Variants in BABAM2 observed in about 807,000 individuals in gnomAD.
The protein encoded by BABAM2 is BRISC and BRCA1-A complex member 2.
A neutral mutation model predicts 54.7 loss-of-function variants in BABAM2; 31 were observed. The observed-to-expected ratio is 0.57, with a 90% CI of 0.43 to 0.77. The LOEUF is 0.77. BABAM2 is among the 30% of genes least tolerant of loss of function. The pLI, the probability that BABAM2 is intolerant of heterozygous loss-of-function variation, is 0.00. For missense variants in BABAM2, 364 were observed against 455.8 expected (o/e 0.80, Z 1.83); for synonymous variants, 167 against 162.9 (o/e 1.03, Z -0.19).
intron 11 of BABAM2, among the ~76,000 whole-genome samples, chr2:28,326,148 A>T (rs547373438): frequency 1.3e-5 from 2 of 152,118 alleles, no homozygotes; most frequent in South Asian, 4.2e-4. Flanking sequence ...TCCCCTTTCG[A>T]TGACTAAAAA....
intron 6 of BABAM2, among the ~76,000 whole-genome samples, chr2:28,128,507 A>C (rs148792375): frequency 2.6e-5 from 4 of 152,366 alleles, no homozygotes; most frequent in African/African-American, 9.6e-5. Context: ...ACACTTCATC[A>C]GTGTATCATC....
chr2:28,066,259 C>T (rs536190513), intron 6 of BABAM2, among the ~76,000 whole-genome samples: 18 of 151,936 alleles, frequency 1.2e-4, no homozygotes, highest in African/African-American at 3.9e-4. Flanking sequence ...GTATTCTATG[C>T]TGACGTATAT....
At chr2:28,122,608 A>T (rs1008168085) in intron 6 of BABAM2, among the ~76,000 whole-genome samples, 3 of 152,126 alleles carry the variant, frequency 2.0e-5, no homozygotes, top group African/African-American at 7.2e-5. Flanking sequence ...TTGTTCAGCT[A>T]ATGTCTTTCA....
At chr2:27,938,670 G>A (rs1045438680) in intron 3 of BABAM2, among the ~76,000 whole-genome samples, 2 of 151,912 alleles carry the variant, frequency 1.3e-5, no homozygotes, top group Non-Finnish European at 2.9e-5. Context: ...GATTACAGAC[G>A]TGAGCCACTG....
At chr2:28,273,855 C>T (rs1299894149) in intron 10 of BABAM2, among the ~76,000 whole-genome samples, 4 of 152,194 alleles carry the variant, frequency 2.6e-5, no homozygotes, top group East Asian at 1.9e-4. Context: ...GCAGTGGCTC[C>T]GAGATTCAGC....
chr2:28,235,774 T>C (rs1357839133), intron 7 of BABAM2, among the ~76,000 whole-genome samples: 2 of 152,114 alleles, frequency 1.3e-5, no homozygotes, highest in African/African-American at 4.8e-5. Context: ...CCCACCTCAG[T>C]TTCCTGAGTA....
At chr2:28,250,149 A>G (rs1412485228) in intron 10 of BABAM2, among the ~76,000 whole-genome samples, 1 of 151,958 alleles carries the variant, frequency 6.6e-6, no homozygotes, top group Non-Finnish European at 1.5e-5. Context: ...GACCTCCTAT[A>G]GAGGGTGACA....
At chr2:28,008,911 G>T (rs994217965) in intron 4 of BABAM2, among the ~76,000 whole-genome samples, 2 of 152,148 alleles carry the variant, frequency 1.3e-5, no homozygotes, top group African/African-American at 4.8e-5. Flanking sequence ...GGCAGCTCTG[G>T]ATTCCAGGTG....
intron 7 of BABAM2, among the ~76,000 whole-genome samples, chr2:28,141,338 G>T (rs1166314443): frequency 1.3e-5 from 2 of 152,086 alleles, no homozygotes; most frequent in East Asian, 3.9e-4. Context: ...CAACAGATTG[G>T]GAACATTTGT....
At position 28,322,517 on chromosome 2, in the gene BABAM2, C is replaced by A. The variant is rs915303408; in HGVS notation, c.1089-15933C>A. On this transcript the variant is annotated intron_variant, in intron 11 of 11. Coordinates refer to ENST00000379624, the MANE Select transcript of BABAM2 (RefSeq NM_199191.3). The surrounding 1 kb of genome is among the most constrained non-coding windows in gnomAD (Gnocchi z 4.1). The stretch of plus-strand genomic sequence containing the variant: ...TTCCAGCAGGGTGAGGATCACCCCC[C>A]AGAAGTGCTGCTGGGCCAAGCCCTG... 3.3e-5 allele frequency among the ~76,000 whole-genome samples: 5 copies of A among 152,364 alleles called. No individual in the cohort carries two copies. The highest frequency in any genetic ancestry group is 4.1e-4 in the South Asian group (2 of 4,832).
chr2:27,894,173 G>A (rs554083229), intron 1 of BABAM2, among the ~76,000 whole-genome samples: 10 of 152,162 alleles, frequency 6.6e-5, no homozygotes, highest in Middle Eastern at 3.2e-3. Context: ...TTTGTGTTGG[G>A]ATAGAGGATT....
upstream of BABAM2, chr2:27,890,582 C>T: frequency 4.0e-6 from 2 of 498,636 alleles, no homozygotes; most frequent in South Asian, 5.2e-5. The surrounding 1 kb of genome is among the most constrained non-coding windows in gnomAD (Gnocchi z 4.8). Context: ...AGACTCCGCG[C>T]TCCTCGTCAC....
At chr2:28,308,054 T>A (rs1051046243) in intron 11 of BABAM2, 1 of 185,418 alleles carries the variant, frequency 5.4e-6, no homozygotes, top group African/African-American at 2.4e-5. Flanking sequence ...GTAGGCCTCA[T>A]ACAGATTATA....
At chr2:28,271,823 A>G (rs1376467598) in intron 10 of BABAM2, among the ~76,000 whole-genome samples, 1 of 152,222 alleles carries the variant, frequency 6.6e-6, no homozygotes, top group Non-Finnish European at 1.5e-5. Flanking sequence ...GTATGCATTT[A>G]TGCTCAAGCT....
At chr2:27,975,758 A>G (rs568112781) in intron 3 of BABAM2, among the ~76,000 whole-genome samples, 1 of 152,128 alleles carries the variant, frequency 6.6e-6, no homozygotes, top group Admixed American at 6.5e-5. Context: ...TAAGAGGAAG[A>G]GGAGGACAAG....
chr2:28,091,980 A>G (rs1461311817), intron 6 of BABAM2, among the ~76,000 whole-genome samples: 1 of 152,148 alleles, frequency 6.6e-6, no homozygotes, highest in African/African-American at 2.4e-5. Flanking sequence ...ATGAGGTAAG[A>G]ATAACTCTTT....
chr2:28,302,927 TTAA>T (rs1262556662), intron 11 of BABAM2, among the ~76,000 whole-genome samples: 2 of 152,250 alleles, frequency 1.3e-5, no homozygotes, highest in Non-Finnish European at 2.9e-5. Context: ...AGTCTTTTTA[TTAA>T]TGAGTTGTAT....
At chr2:28,089,359 C>T (rs1204948114) in intron 6 of BABAM2, among the ~76,000 whole-genome samples, 4 of 152,152 alleles carry the variant, frequency 2.6e-5, no homozygotes, top group African/African-American at 9.7e-5. Context: ...CATTTAACAA[C>T]TATGTCTTGG....
At position 28,253,368 on chromosome 2, in the gene BABAM2, C is replaced by T. The variant is rs115885817; in HGVS notation, c.934+8506C>T. On this transcript the variant is annotated intron_variant, in intron 10 of 11. Coordinates refer to ENST00000379624, the MANE Select transcript of BABAM2 (RefSeq NM_199191.3). ...AGTGAGCCAAGATGGCACCACTGTA[C>T]TCAGGCCTGTGTGACAGAGCAAGAC... 4.6e-3 allele frequency among the ~76,000 whole-genome samples: 695 copies of T among 150,878 alleles called. 6 individuals carry two copies. Among genetic ancestry groups the T allele is most frequent in the African/African-American group, 0.016 (666 of 40,864 alleles).
Sources: allele counts gnomAD v4.1 joint callset (sites outside exome capture counted in the v4.1 genomes callset), GRCh38; gene constraint gnomAD v4.1.1; non-coding constraint Gnocchi (gnomAD v3.1); transcripts MANE v1.5; gene names NCBI Gene and HGNC (gene_info 2026-07-23, HGNC 2026-07-21).